CNOT6L: variants seen among roughly 807,000 people sequenced by gnomAD.
CNOT6L encodes the protein CCR4-NOT transcription complex subunit 6 like.
CNOT6L carries 7 observed loss-of-function variants against 64.0 expected under a neutral mutation model. That is an observed-to-expected ratio of 0.11 (90% confidence interval 0.06 to 0.21). The LOEUF is 0.21. Among genes scored for constraint, CNOT6L ranks in the 10% least tolerant of loss-of-function variants. The probability of loss-of-function intolerance (pLI) is 1.00; values close to 1 mark genes in which losing one functional copy is unlikely to be tolerated. For synonymous variants in CNOT6L, 193 were observed against 243.4 expected (o/e 0.79, Z 1.93); for missense variants, 245 against 669.0 (o/e 0.37, Z 6.99).
intron 1 of CNOT6L, among the ~76,000 whole-genome samples, chr4:77,790,491 C>T (rs1730004234): frequency 6.6e-6 from 1 of 152,148 alleles, no homozygotes; most frequent in Non-Finnish European, 1.5e-5. Context: ...AACTGCCAAA[C>T]TGTCTTCCAG....
chr4:77,754,111 A>G lies in CNOT6L; in HGVS notation c.490+2751T>C, dbSNP rs1480102436. On this transcript the variant is annotated intron_variant, in intron 5 of 11. Transcript: ENST00000504123. Reference sequence around the variant, plus strand: ...AAATTAAAAGGATTAGAAATGGAGTAATACAACTCTCATTACTTGCAGATG... The same window carrying G: ...AAATTAAAAGGATTAGAAATGGAGTGATACAACTCTCATTACTTGCAGATG... Among the ~76,000 whole-genome samples, 6 of 152,314 alleles carry G rather than the reference A, an allele frequency of 3.9e-5. No individual in the cohort carries two copies. In the East Asian group the frequency reaches 1.2e-3, roughly 29 times the overall value.
At chr4:77,820,036 T>C (rs962591723), upstream of CNOT6L, among the ~76,000 whole-genome samples, 1 of 151,902 alleles carries the variant, frequency 6.6e-6, no homozygotes, top group African/African-American at 2.4e-5. Flanking sequence ...GGCCTTGGCC[T>C]CCTGGTGCTG....
At chr4:77,791,901 GTACATATATATA>G (rs1730192577) in intron 1 of CNOT6L, among the ~76,000 whole-genome samples, 1 of 151,854 alleles carries the variant, frequency 6.6e-6, no homozygotes, top group Admixed American at 6.6e-5. Context: ...GAATATATAT[GTACATATATATA>G]TACTTGAAGC....
At chr4:77,778,246 T>C (rs1728372712) in intron 1 of CNOT6L, among the ~76,000 whole-genome samples, 1 of 152,178 alleles carries the variant, frequency 6.6e-6, no homozygotes, top group Admixed American at 6.5e-5. Context: ...TGGGTACTTT[T>C]GGGTAATAAT....
intron 1 of CNOT6L, among the ~76,000 whole-genome samples, chr4:77,807,059 T>G (rs887933561): frequency 6.6e-6 from 1 of 152,080 alleles, no homozygotes; most frequent in Admixed American, 6.6e-5. Flanking sequence ...GTATTTTTAA[T>G]AGAGAGGGGA....
At chr4:77,809,727 T>C (rs1732690470) in intron 1 of CNOT6L, among the ~76,000 whole-genome samples, 1 of 152,164 alleles carries the variant, frequency 6.6e-6, no homozygotes. Context: ...GCAGTATTTG[T>C]AGCTGGTATT....
In CNOT6L at chr4:77,719,603, A is replaced by C. The variant is rs914113469; in HGVS notation, c.*828T>G. On this transcript the variant is annotated 3_prime_UTR_variant, in exon 12 of 12. Coordinates refer to ENST00000504123, the MANE Select transcript of CNOT6L (RefSeq NM_144571.3). Reference sequence around the variant, plus strand: ...CCAGACAGAAGGTTGAATTGGAATAAGGAAAAATTCATTCCGTGGGCATCC... The same window carrying C: ...CCAGACAGAAGGTTGAATTGGAATACGGAAAAATTCATTCCGTGGGCATCC... 1 of 152,664 alleles carries C rather than the reference A, an allele frequency of 6.6e-6. No homozygotes were observed. Among genetic ancestry groups the C allele is most frequent in the Admixed American group, 6.5e-5 (1 of 15,270 alleles). The allele number at this position is 152,664 out of a possible 1,614,324, so 9.5% of individuals were successfully genotyped here. A position where few individuals can be genotyped will look rare whatever the true frequency, so the allele number is the denominator to read the frequency against.
chr4:77,741,715 A>G (rs762749786), intron 8 of CNOT6L, among the ~76,000 whole-genome samples: 19 of 152,336 alleles, frequency 1.2e-4, no homozygotes, highest in Admixed American at 3.3e-4. Context: ...GCAAATGCTC[A>G]GTATACATTT....
At chr4:77,758,300 TTGA>T (rs1560593127) in intron 4 of CNOT6L, among the ~76,000 whole-genome samples, 2 of 152,136 alleles carry the variant, frequency 1.3e-5, no homozygotes, top group African/African-American at 4.8e-5. Context: ...GAAAAAACTC[TTGA>T]TGAATGAGTT....
At chr4:77,802,535 G>C (rs1199317083) in intron 1 of CNOT6L, among the ~76,000 whole-genome samples, 1 of 152,082 alleles carries the variant, frequency 6.6e-6, no homozygotes. Context: ...TGAAAACTAA[G>C]GGCAACATTA....
chr4:77,725,063 C>T (rs1489933627), intron 11 of CNOT6L, among the ~76,000 whole-genome samples: 1 of 152,186 alleles, frequency 6.6e-6, no homozygotes, highest in African/African-American at 2.4e-5. Flanking sequence ...CACATCACTA[C>T]ATACAAGTGG....
At chr4:77,812,874 G>C (rs985416758) in intron 1 of CNOT6L, among the ~76,000 whole-genome samples, 1 of 151,616 alleles carries the variant, frequency 6.6e-6, no homozygotes, top group African/African-American at 2.4e-5. Context: ...AAACAATCTT[G>C]AAAAAGAAAA....
chr4:77,780,555 T>C (rs534901156), intron 1 of CNOT6L, among the ~76,000 whole-genome samples: 148 of 152,322 alleles, frequency 9.7e-4, no homozygotes, highest in African/African-American at 3.2e-3. Flanking sequence ...CATTCACTCT[T>C]TATTTCTTAG....
intron 7 of CNOT6L, among the ~76,000 whole-genome samples, chr4:77,743,430 T>G (rs1260430226): frequency 1.1e-4 from 17 of 152,030 alleles, no homozygotes; most frequent in Admixed American, 1.1e-3. Flanking sequence ...AGTCTCAGTA[T>G]TTAGAAGAAA....
chr4:77,799,581 T>C (rs1275799497), intron 1 of CNOT6L, among the ~76,000 whole-genome samples: 1 of 151,290 alleles, frequency 6.6e-6, no homozygotes, highest in Non-Finnish European at 1.5e-5. Context: ...GGTGGGCGCC[T>C]GTAATCCCAG....
At chr4:77,812,059 G>A (rs79399693) in intron 1 of CNOT6L, among the ~76,000 whole-genome samples, 1,756 of 152,218 alleles carry the variant, frequency 0.012, 38 homozygotes, top group African/African-American at 0.04. Context: ...GAACTAAAAT[G>A]CATCCATATT....
chr4:77,742,507 C>T (rs1239234439), intron 7 of CNOT6L: 1 of 604,674 alleles, frequency 1.7e-6, no homozygotes, highest in Non-Finnish European at 3.0e-6. Context: ...ATGATTTTCT[C>T]ATGCTCACAC....
rs143197137 is a variant in CNOT6L at position 77,721,177 on chromosome 4, C to T, written c.1456-534G>A. Among the ~76,000 whole-genome samples, 318 of 152,286 alleles carry T rather than the reference C, an allele frequency of 2.1e-3. 1 individual carries two copies. Among genetic ancestry groups the T allele is most frequent in the African/African-American group, 7.2e-3 (301 of 41,566 alleles). ...TTTGCTACATACATACAAAACACTA[C>T]ACAGTTAACTATTCTATTCTTAATT... On this transcript the variant is annotated intron_variant, in intron 11 of 11. Transcript: ENST00000504123.
At chr4:77,746,153 G>A (rs1724172612) in intron 6 of CNOT6L, among the ~76,000 whole-genome samples, 1 of 152,148 alleles carries the variant, frequency 6.6e-6, no homozygotes, top group Non-Finnish European at 1.5e-5. Context: ...GCTTCATTCA[G>A]TTTTTTCCTA....
Sources: allele counts gnomAD v4.1 joint callset (sites outside exome capture counted in the v4.1 genomes callset), GRCh38; gene constraint gnomAD v4.1.1; transcripts MANE v1.5; gene names NCBI Gene and HGNC (gene_info 2026-07-23, HGNC 2026-07-21).